IL17RE: variants seen among roughly 807,000 people sequenced by gnomAD.
IL17RE encodes interleukin 17 receptor E.
IL17RE carries 47 observed loss-of-function variants against 70.7 expected under a neutral mutation model. That is an observed-to-expected ratio of 0.67 (90% CI 0.53 to 0.85). The LOEUF (loss-of-function observed/expected upper bound fraction) is 0.85. Ranked by LOEUF, IL17RE falls within the 40% of genes least tolerant of loss-of-function variation. The pLI is 0.00. For synonymous variants in IL17RE, 372 were observed against 381.2 expected (o/e 0.98, Z 0.28); for missense variants, 850 against 893.9 (o/e 0.95, Z 0.63).
chr3:9,903,042 G>C lies in IL17RE; in HGVS notation c.110G>C (p.Arg37Pro). The change falls in exon 1 of 16, where the codon CGC (arginine) becomes CCC (proline). Residue 37 changes from arginine to proline, a missense_variant. Coordinates refer to ENST00000383814, the MANE Select transcript of IL17RE (RefSeq NM_153480.2). Reference protein sequence around the residue: ...GFRHLPHWNTRCPLASHTDDS... With the variant: ...GFRHLPHWNTPCPLASHTDDS... ...CGCCACCTGCCCCACTGGAACACCC[G>C]CTGTCCTCTGGCCTCCCACACGGTA... is the stretch of plus-strand genomic sequence containing the variant. The C allele has an allele frequency of 1.2e-6, 2 of 1,614,086 alleles. No individual in the cohort carries two copies. Among genetic ancestry groups the C allele is most frequent in the Non-Finnish European group, 1.7e-6 (2 of 1,179,964 alleles).
In IL17RE at chr3:9,915,799, C is replaced by T. The variant is rs1369014645; in HGVS notation, c.1996C>T (p.Leu666=). The T allele has an allele frequency of 6.5e-7, 1 of 1,529,954 alleles. No individual in the cohort carries two copies. Among genetic ancestry groups the T allele is most frequent in the East Asian group, 2.6e-5 (1 of 37,858 alleles). 94.8% of individuals were successfully genotyped at this position (1,529,954 alleles called of 1,614,324 possible). ...LEREAARLAD[L]G ...ACGAGAGGCCGCCCGACTTGCAGAC[C>T]TAGGTTGAGCAGAGCTCCACCGCAG... Residue 666 remains leucine, a synonymous_variant, in exon 16 of 16, where the codon CTA becomes TTA. Transcript: ENST00000383814. This position sits in a 1 kb window ranked among gnomAD's most constrained non-coding sequence, Gnocchi z 4.9.
rs969186633 is a variant in IL17RE at position 9,915,222 on chromosome 3, A to G, written c.1448-29A>G. ...GGGCTGAGCAGTCCCTCAGCCGCCC[A>G]GCCTTCATCTGTTGCTTCCCGCCAC... On this transcript the variant is annotated intron_variant, in intron 15 of 15. Transcript: ENST00000383814. The surrounding 1 kb of genome is among the most constrained non-coding windows in gnomAD (Gnocchi z 4.9). The G allele has an allele frequency of 3.7e-6, 5 of 1,369,858 alleles. No individual in the cohort carries two copies. Among genetic ancestry groups the G allele is most frequent in the Non-Finnish European group, 4.7e-6 (5 of 1,065,982 alleles). The allele number at this position is 1,369,858 out of a possible 1,614,324, so 84.9% of individuals were successfully genotyped here.
chr3:9,913,154 C>G (rs2125091876), intron 12 of IL17RE, among the ~76,000 whole-genome samples: 1 of 152,240 alleles, frequency 6.6e-6, no homozygotes, highest in East Asian at 1.9e-4. Context: ...CCTGTAATTC[C>G]AGCATTTTGG....
Position 9,906,462 on chromosome 3 carries a change from G to A in IL17RE, c.366+1G>A. 5.6e-6 allele frequency: 9 copies of A among 1,605,594 alleles called. No homozygotes were observed. The highest frequency in any genetic ancestry group is 7.7e-6 in the Non-Finnish European group (9 of 1,172,560). On this transcript the variant is annotated splice_donor_variant, in intron 4 of 15. Coordinates refer to ENST00000383814, the MANE Select transcript of IL17RE (RefSeq NM_153480.2). LOFTEE classifies it high-confidence loss of function. ...ACACAAGATGCCAGCACCTGCTCAG[G>A]TACTCTCCCTGTCAGTTCCAGCCCT...
intron 12 of IL17RE, among the ~76,000 whole-genome samples, chr3:9,913,189 G>A (rs942901813): frequency 3.3e-5 from 5 of 152,136 alleles, no homozygotes; most frequent in African/African-American, 1.2e-4. Context: ...CAGATCACCT[G>A]AGGTCAGGAG....
Position 9,915,634 on chromosome 3 carries a change from C to T in IL17RE, c.1831C>T (p.Pro611Ser). Residue 611 changes from proline to serine, a missense_variant, in exon 16 of 16, where the codon CCG becomes TCG. Physicochemically the swap from Pro to Ser is moderately conservative, Grantham distance 74 (BLOSUM62 -1). Transcript: ENST00000383814. The surrounding 1 kb of genome is among the most constrained non-coding windows in gnomAD (Gnocchi z 4.9). ...CATCCCCCCGCCGCTGCGCGCCCTGCCGCGCTACCGCCTGCTGCGCGACCT... is the reference window on the plus strand; with the variant it reads ...CATCCCCCCGCCGCTGCGCGCCCTGTCGCGCTACCGCCTGCTGCGCGACCT... ...GDIPPPLRAL[P>S]RYRLLRDLPR... is the part of the protein sequence containing the mutation. 7.1e-7 allele frequency: 1 copy of T among 1,411,350 alleles called. No individual in the cohort carries two copies. The highest frequency in any genetic ancestry group is 1.5e-5 in the South Asian group (1 of 67,514). The allele number at this position is 1,411,350 out of a possible 1,614,324, so 87.4% of individuals were successfully genotyped here.
In IL17RE at chr3:9,903,555, G is replaced by A. The variant is rs533553248; in HGVS notation, c.148+143G>A. On this transcript the variant is annotated intron_variant, in intron 2 of 15. Transcript: ENST00000383814. ...AAAAATTTGGAATCATGACAAGCCTGGGTTCACATTGCAGTTCTGCCAGAC... is the reference window on the plus strand; with the variant it reads ...AAAAATTTGGAATCATGACAAGCCTAGGTTCACATTGCAGTTCTGCCAGAC... 51 of 874,120 alleles carry A rather than the reference G, an allele frequency of 5.8e-5. 1 individual carries two copies. The highest frequency in any genetic ancestry group is 3.3e-4 in the Middle Eastern group (1 of 3,030). 54.1% of individuals were successfully genotyped at this position (874,120 alleles called of 1,614,324 possible).
rs373880476 is a variant in IL17RE at position 9,906,631 on chromosome 3, C to T, written c.367-75C>T. ...TTTGAGCAACTTGCCTGTAGTACCT[C>T]AGGTTCCAGAGGCAGAAACAGAAGC... On this transcript the variant is annotated intron_variant, in intron 4 of 15. Transcript: ENST00000383814. 8.1e-5 allele frequency: 127 copies of T among 1,571,934 alleles called. 2 individuals carry two copies. The South Asian group carries it at 1.3e-3, about 16-fold the overall frequency.
rs2125088693 is a variant in IL17RE, at chr3:9,911,594, C to T, written c.1224C>T (p.Ser408=). The T allele has an allele frequency of 2.5e-6, 4 of 1,610,852 alleles. No homozygotes were observed. Among genetic ancestry groups the T allele is most frequent in the Non-Finnish European group, 3.4e-6 (4 of 1,177,304 alleles). The change falls in exon 12 of 16, where the codon AGC becomes AGT. Residue 408 remains serine (S), a synonymous_variant. Coordinates refer to ENST00000383814, the MANE Select transcript of IL17RE (RefSeq NM_153480.2). ...DTLVPPVYTV[S]QARGSSPVSL... ...TGGTGCCCCCCGTGTACACTGTCAG[C>T]CAGGTATGGCCTCGCCCCCACTAGG... is the stretch of plus-strand genomic sequence containing the variant.
intron 4 of IL17RE, 73 bp downstream of exon 4, chr3:9,906,534 T>TGG (rs758510069): frequency 3.1e-5 from 43 of 1,393,444 alleles, no homozygotes; most frequent in Non-Finnish European, 3.7e-5. Flanking sequence ...CATTTGGTTC[T>TGG]CCAGCCATGT....
upstream of IL17RE, chr3:9,902,501 G>T: frequency 1.1e-6 from 1 of 900,072 alleles, no homozygotes; most frequent in Non-Finnish European, 1.8e-6. Flanking sequence ...TAAGAGCTCG[G>T]CTAATTCTCT....
In IL17RE at chr3:9,909,123, G is replaced by A. The variant is rs190877283; in HGVS notation, c.736-94G>A. ...TGCCTGGCCAGCTCAGGCAGCTTGC[G>A]TCACAGTAAGGTAAAGCCAGAATGA... On this transcript the variant is annotated intron_variant, in intron 7 of 15. Transcript: ENST00000383814. 166 of 1,076,460 alleles carry A rather than the reference G, an allele frequency of 1.5e-4. 1 individual carries two copies. In the African/African-American group the frequency reaches 1.9e-3, roughly 13 times the overall value. 66.7% of individuals were successfully genotyped at this position (1,076,460 alleles called of 1,614,324 possible). A position where few individuals can be genotyped will look rare whatever the true frequency, so the allele number is the denominator to read the frequency against.
Position 9,915,644 on chromosome 3 carries a change from G to A in IL17RE, c.1841G>A (p.Arg614His). ...PPPLRALPRYRLLRDLPRLLR... is the reference protein window; with the variant it reads ...PPPLRALPRYHLLRDLPRLLR... ...CCGCTGCGCGCCCTGCCGCGCTACCGCCTGCTGCGCGACCTGCCGCGTCTG... is the reference window on the plus strand; with the variant it reads ...CCGCTGCGCGCCCTGCCGCGCTACCACCTGCTGCGCGACCTGCCGCGTCTG... The change falls in exon 16 of 16, where the codon CGC (arginine) becomes CAC (histidine). Residue 614 changes from arginine to histidine, a missense_variant. Coordinates refer to ENST00000383814, the MANE Select transcript of IL17RE (RefSeq NM_153480.2). The surrounding 1 kb of genome is among the most constrained non-coding windows in gnomAD (Gnocchi z 4.9). 2 of 1,408,502 alleles carry A rather than the reference G, an allele frequency of 1.4e-6. No individual in the cohort carries two copies. Among genetic ancestry groups the A allele is most frequent in the South Asian group, 3.0e-5 (2 of 66,854 alleles). The allele number at this position is 1,408,502 out of a possible 1,614,324, so 87.3% of individuals were successfully genotyped here. A position where few individuals can be genotyped will look rare whatever the true frequency, so the allele number is the denominator to read the frequency against.
rs1374391437 is a variant in IL17RE, at chr3:9,911,277, A to G, written c.1049A>G (p.His350Arg). ...CAGTTCTCTTTTGGAAACAGCAGCC[A>G]TGTTGAATGCCCCCACCAGACTGGT... is the stretch of plus-strand genomic sequence containing the variant. ...CFKFSFGNSS[H>R]VECPHQTGSL... The change falls in exon 11 of 16, where the codon CAT (histidine) becomes CGT (arginine). Residue 350 changes from histidine (H) to arginine (R), a missense_variant. Transcript: ENST00000383814. The G allele has an allele frequency of 4.3e-6, 7 of 1,614,170 alleles. No homozygotes were observed. Among genetic ancestry groups the G allele is most frequent in the Admixed American group, 1.7e-5 (1 of 60,012 alleles).
At chr3:9,907,240 C>G in intron 6 of IL17RE, 140 bp downstream of exon 6, 1 of 1,136,022 alleles carries the variant, frequency 8.8e-7, no homozygotes, top group Non-Finnish European at 1.3e-6. Flanking sequence ...AAGGGTCTAT[C>G]ATTAAGACTT....
chr3:9,906,954 T>C lies in IL17RE; in HGVS notation c.527-7T>C, dbSNP rs770001486. 13 of 1,613,954 alleles carry C rather than the reference T, an allele frequency of 8.1e-6. No homozygotes were observed. In the African/African-American group the frequency reaches 1.7e-4, roughly 22 times the overall value. On this transcript the variant is annotated splice_region_variant and splice_polypyrimidine_tract_variant and intron_variant, in intron 5 of 15. Coordinates refer to ENST00000383814, the MANE Select transcript of IL17RE (RefSeq NM_153480.2). ...AGACAAGGCCACTGAGTCCTTCCTCTCCCCAGGACCCGAGTTCTCCTTTGA... is the reference window on the plus strand; with the variant it reads ...AGACAAGGCCACTGAGTCCTTCCTCCCCCCAGGACCCGAGTTCTCCTTTGA...
At position 9,907,142 on chromosome 3, in the gene IL17RE, T is replaced by A; in HGVS notation, c.666+42T>A. The A allele has an allele frequency of 1.9e-6, 3 of 1,611,546 alleles. No individual in the cohort carries two copies. The East Asian group carries it at 6.7e-5, about 36-fold the overall frequency. On this transcript the variant is annotated intron_variant, in intron 6 of 15. Transcript: ENST00000383814. ...CCCTGTAAAAAGCCCGATCACACAG[T>A]GCTAGCAAAAGAGGCCACCCATTGT...
rs201792076 is a variant in IL17RE, at chr3:9,914,526, G to A, written c.1297-22G>A. The A allele has an allele frequency of 3.7e-6, 6 of 1,613,696 alleles. No homozygotes were observed. In the East Asian group the frequency reaches 8.9e-5, roughly 24 times the overall value. On this transcript the variant is annotated intron_variant, in intron 13 of 15. Transcript: ENST00000383814. ...AGGAGAAGATGCCTGGCTCATAGGG[G>A]TGGGGGGCTCTGTGCCCTCAGGTGT...
intron 12 of IL17RE, 87 bp downstream of exon 12, chr3:9,911,684 C>A: frequency 8.1e-7 from 1 of 1,234,610 alleles, no homozygotes; most frequent in Non-Finnish European, 1.1e-6. Flanking sequence ...CCTGGGAAGG[C>A]AGAAACAAAC....
Sources: gnomAD v4.1 joint callset for allele counts (sites outside exome capture counted in the v4.1 genomes callset) on GRCh38, gnomAD v4.1.1 for gene constraint, Gnocchi (gnomAD v3.1) non-coding constraint, MANE v1.5 for transcripts, NCBI Gene and HGNC (gene_info 2026-07-23, HGNC 2026-07-21) for gene names.